Variants in SRGAP3 observed in about 807,000 individuals in gnomAD.
SRGAP3 encodes SLIT-ROBO Rho GTPase-activating protein 3.
In SRGAP3, 39 loss-of-function variants were observed where a neutral mutation model predicts 121.1. That is an observed-to-expected ratio of 0.32 (90% CI 0.25 to 0.42). The LOEUF is 0.42. SRGAP3 is among the 10% of genes least tolerant of loss of function. The pLI is 1.00. For synonymous variants in SRGAP3, 601 were observed against 570.0 expected, an observed-to-expected ratio of 1.05 and a Z score of -0.77; for missense variants, 1,213 against 1,470.6, an observed-to-expected ratio of 0.82 and a Z score of 2.86.
chr3:9,053,230 G>A lies in SRGAP3; in HGVS notation c.1126-6C>T, dbSNP rs763370686. 8 of 1,612,970 alleles carry A rather than the reference G, an allele frequency of 5.0e-6. No homozygotes were observed. The highest frequency in any genetic ancestry group is 1.7e-5 in the Admixed American group (1 of 59,822). On this transcript the variant is annotated splice_polypyrimidine_tract_variant and splice_region_variant and intron_variant, in intron 8 of 21. Coordinates refer to ENST00000383836, the MANE Select transcript of SRGAP3 (RefSeq NM_014850.4). The stretch of plus-strand genomic sequence containing the variant: ...GCATCCAGGGTTTTCCTAACCTGGG[G>A]AAACACAGCAGATTGACAAAAATCC...
intron 11 of SRGAP3, among the ~76,000 whole-genome samples, 181 bp from the exon 12 acceptor site, chr3:9,032,933 C>T (rs9839715): frequency 0.45 from 67,932 of 151,646 alleles, 15,366 homozygotes; most frequent in East Asian, 0.68. Context: ...TTTTAGGGGA[C>T]CTTAATTTAC....
intron 3 of SRGAP3, among the ~76,000 whole-genome samples, chr3:9,104,220 T>C (rs931090769): frequency 1.3e-5 from 2 of 152,170 alleles, no homozygotes; most frequent in Non-Finnish European, 2.9e-5. Context: ...TGCATTATGA[T>C]CTGATTTAGA....
At chr3:9,350,872 T>C (rs2030097484) in intron 1 of SRGAP3, among the ~76,000 whole-genome samples, 2 of 152,198 alleles carry the variant, frequency 1.3e-5, no homozygotes, top group South Asian at 4.1e-4. Flanking sequence ...ATTTGCTACA[T>C]AACAAACTAC....
intron 10 of SRGAP3, among the ~76,000 whole-genome samples, chr3:9,047,032 C>T (rs1945321075): frequency 1.3e-5 from 2 of 152,124 alleles, no homozygotes; most frequent in African/African-American, 4.8e-5. Context: ...CGGGGTTTCA[C>T]CGTATTAGCC....
At chr3:9,045,506 GATA>G (rs949288670) in intron 10 of SRGAP3, among the ~76,000 whole-genome samples, 4 of 151,734 alleles carry the variant, frequency 2.6e-5, no homozygotes, top group Non-Finnish European at 2.9e-5. Flanking sequence ...TAAGTATGGT[GATA>G]ATGATGATGA....
chr3:9,317,293 C>T (rs1015514918), intron 3 of SRGAP3, among the ~76,000 whole-genome samples: 20 of 152,180 alleles, frequency 1.3e-4, no homozygotes, highest in African/African-American at 4.6e-4. Context: ...GGAAATATTT[C>T]GGCCGTAAAT....
chr3:9,258,994 C>T (rs182982679), intron 3 of SRGAP3, among the ~76,000 whole-genome samples: 272 of 152,334 alleles, frequency 1.8e-3, no homozygotes, highest in Middle Eastern at 6.8e-3. Flanking sequence ...CATGAGCCCA[C>T]GGGATTGGGC....
At chr3:9,304,370 A>T (rs1208542931) in intron 3 of SRGAP3, among the ~76,000 whole-genome samples, 4 of 152,200 alleles carry the variant, frequency 2.6e-5, no homozygotes. Flanking sequence ...TCCTTAGCAC[A>T]GTCTCCTGCC....
At chr3:9,163,983 A>ATT (rs1950690350) in intron 1 of SRGAP3, among the ~76,000 whole-genome samples, 1 of 92,576 alleles carries the variant, frequency 1.1e-5, no homozygotes, top group African/African-American at 4.4e-5. Flanking sequence ...AGCAACTACT[A>ATT]TTCTTTTTTT....
chr3:9,171,930 G>C (rs1347595954), intron 1 of SRGAP3, among the ~76,000 whole-genome samples: 4 of 151,996 alleles, frequency 2.6e-5, no homozygotes, highest in Non-Finnish European at 5.9e-5. Flanking sequence ...CCTCTGTCCT[G>C]GCTTCTGGGG....
At chr3:9,103,123 T>C (rs139003010) in intron 3 of SRGAP3, among the ~76,000 whole-genome samples, 17 of 152,186 alleles carry the variant, frequency 1.1e-4, no homozygotes, top group Admixed American at 2.0e-4. Flanking sequence ...CAGAAGCATA[T>C]TGTGTGGCAG....
intron 4 of SRGAP3, among the ~76,000 whole-genome samples, chr3:9,065,004 T>G (rs1023878385): frequency 6.6e-6 from 1 of 152,160 alleles, no homozygotes; most frequent in African/African-American, 2.4e-5. Flanking sequence ...GTAGTGACTG[T>G]GGCATCCCTC....
At chr3:9,063,295 A>G (rs1946265242) in intron 5 of SRGAP3, among the ~76,000 whole-genome samples, 1 of 151,078 alleles carries the variant, frequency 6.6e-6, no homozygotes, top group Non-Finnish European at 1.5e-5. Context: ...CACCTGCCTA[A>G]TTTTTCTATT....
intron 3 of SRGAP3, among the ~76,000 whole-genome samples, chr3:9,090,718 C>A (rs917862176): frequency 6.6e-6 from 1 of 152,186 alleles, no homozygotes; most frequent in Non-Finnish European, 1.5e-5. Context: ...CTCACTGCAA[C>A]CTCCATCTCT....
At position 9,009,517 on chromosome 3, in the gene SRGAP3, T is replaced by C. The variant is rs148478447; in HGVS notation, c.2227+791A>G. On this transcript the variant is annotated intron_variant, in intron 18 of 21. Coordinates refer to ENST00000383836, the MANE Select transcript of SRGAP3 (RefSeq NM_014850.4). ...TAATCCAGACTGGATATTGTGTTCA[T>C]TTTTTTTCTGATTTTAAAAGAAATT... Among the ~76,000 whole-genome samples, 31 of 152,208 alleles carry C rather than the reference T, an allele frequency of 2.0e-4. No homozygotes were observed. In the East Asian group the frequency reaches 3.7e-3, roughly 18 times the overall value.
intron 3 of SRGAP3, among the ~76,000 whole-genome samples, chr3:9,094,615 T>C (rs76603742): frequency 0.042 from 6,461 of 152,258 alleles, 447 homozygotes; most frequent in African/African-American, 0.15. Context: ...GTCCTGAGGC[T>C]CCACATTCTT....
intron 4 of SRGAP3, among the ~76,000 whole-genome samples, chr3:9,071,890 G>C (rs887416124): frequency 6.6e-6 from 1 of 152,136 alleles, no homozygotes. Flanking sequence ...ATAGAAGACA[G>C]TTGGGGTCTC....
intron 3 of SRGAP3, among the ~76,000 whole-genome samples, chr3:9,310,948 T>C (rs1208897968): frequency 6.6e-6 from 1 of 152,098 alleles, no homozygotes; most frequent in Admixed American, 6.6e-5. Context: ...GGTGGGCAGA[T>C]CACTTGAAGT....
Position 9,318,710 on chromosome 3 carries a change from CA to C in SRGAP3, n.442+7299del, listed in dbSNP as rs535662345. Among the ~76,000 whole-genome samples the C allele has an allele frequency of 5.6e-3, 648 of 115,182 alleles. 2 individuals are homozygous for C. Among genetic ancestry groups the C allele is most frequent in the Non-Finnish European group, 6.8e-3 (366 of 54,130 alleles). The allele number at this position is 115,182 out of a possible 152,430, so 75.6% of individuals were successfully genotyped here. A position where few individuals can be genotyped will look rare whatever the true frequency, so the allele number is the denominator to read the frequency against. On this transcript the variant is annotated intron_variant and non_coding_transcript_variant, in intron 3 of 3. Transcript: ENST00000490889. The stretch of plus-strand genomic sequence containing the variant: ...GTAACATAGCAAGACCCCATCTGTA[CA>C]AAAAAAAAAAAAATTTAAATAGCCA...
Sources: allele counts gnomAD v4.1 joint callset (sites outside exome capture counted in the v4.1 genomes callset), GRCh38; gene constraint gnomAD v4.1.1; transcripts MANE v1.5; gene names NCBI Gene and HGNC (gene_info 2026-07-23, HGNC 2026-07-21).